The following NDST4 variants were observed in gnomAD, a reference collection of about 807,000 sequenced individuals.
NDST4 encodes the protein N-deacetylase and N-sulfotransferase 4.
NDST4 carries 63 observed loss-of-function variants against 100.8 expected under a neutral mutation model. The observed-to-expected ratio is 0.62, with a 90% CI of 0.51 to 0.77. NDST4 has a LOEUF of 0.77. Among genes scored for constraint, NDST4 ranks in the 30% least tolerant of loss-of-function variants. NDST4 has a pLI of 0.00. For missense variants in NDST4, 943 were observed against 1,018.4 expected, an observed-to-expected ratio of 0.93 and a Z score of 1.01; for synonymous variants, 377 against 361.8, an observed-to-expected ratio of 1.04 and a Z score of -0.48.
rs1023724801 is a variant in NDST4 at position 115,113,578 on chromosome 4, A to G, written c.-381T>C. 6 of 151,968 alleles carry G rather than the reference A, an allele frequency of 3.9e-5. No homozygotes were observed. Among genetic ancestry groups the G allele is most frequent in the African/African-American group, 1.4e-4 (6 of 41,394 alleles). 9.4% of individuals were successfully genotyped at this position (151,968 alleles called of 1,614,324 possible). A position where few individuals can be genotyped will look rare whatever the true frequency, so the allele number is the denominator to read the frequency against. ...GCTTTCAGTTCATGCAATCTGCCTCAACAATATTCCAAGAGCACTCTCTAG... is the reference window on the plus strand; with the variant it reads ...GCTTTCAGTTCATGCAATCTGCCTCGACAATATTCCAAGAGCACTCTCTAG... On this transcript the variant is annotated 5_prime_UTR_variant, in exon 1 of 14. Transcript: ENST00000264363.
rs1728423556 is a variant in NDST4, at chr4:115,044,508, T to C, written c.978+31551A>G. 2.0e-5 allele frequency among the ~76,000 whole-genome samples: 3 copies of C among 152,004 alleles called. No homozygotes were observed. The South Asian group carries it at 6.2e-4, about 32-fold the overall frequency. On this transcript the variant is annotated intron_variant, in intron 2 of 13. Coordinates refer to ENST00000264363, the MANE Select transcript of NDST4 (RefSeq NM_022569.3). ...TGAAGAAGGTCCTCCAGAGATTCTG[T>C]GATTAAACTGAAGCCCATGGCAAGG... is the stretch of plus-strand genomic sequence containing the variant.
chr4:115,037,518 ATTATTC>A (rs1293012455), intron 2 of NDST4, among the ~76,000 whole-genome samples: 1 of 152,074 alleles, frequency 6.6e-6, no homozygotes, highest in African/African-American at 2.4e-5. Context: ...AAATTTTAAA[ATTATTC>A]TTATTATATT....
chr4:114,996,395 T>C (rs175926), intron 2 of NDST4, among the ~76,000 whole-genome samples: 62,294 of 151,908 alleles, frequency 0.41, 13,793 homozygotes, highest in African/African-American at 0.58. Flanking sequence ...TATAAATTAC[T>C]CAGACCTGAG....
At chr4:115,033,054 T>C (rs1392642710) in intron 2 of NDST4, among the ~76,000 whole-genome samples, 1 of 150,432 alleles carries the variant, frequency 6.6e-6, no homozygotes, top group Non-Finnish European at 1.5e-5. Context: ...AATTTATCTA[T>C]AGAACTCTAA....
chr4:114,916,274 A>T (rs1725165367), intron 6 of NDST4, among the ~76,000 whole-genome samples: 1 of 152,138 alleles, frequency 6.6e-6, no homozygotes, highest in South Asian at 2.1e-4. Context: ...GTATCATGCC[A>T]TTCCCTTATG....
At position 115,028,719 on chromosome 4, in the gene NDST4, A is replaced by T. The variant is rs546165615; in HGVS notation, c.978+47340T>A. Among the ~76,000 whole-genome samples the T allele has an allele frequency of 3.3e-5, 5 of 152,134 alleles. No homozygotes were observed. In the South Asian group the frequency reaches 1.0e-3, roughly 32 times the overall value. On this transcript the variant is annotated intron_variant, in intron 2 of 13. Coordinates refer to ENST00000264363, the MANE Select transcript of NDST4 (RefSeq NM_022569.3). ...ATAAAAATTGAAAAGACTAATTATG[A>T]ATAGGAATTAGTAGGTATTTGGAGC... is the stretch of plus-strand genomic sequence containing the variant.
intron 2 of NDST4, among the ~76,000 whole-genome samples, chr4:115,016,807 G>T (rs1055576712): frequency 6.6e-6 from 1 of 152,034 alleles, no homozygotes. Flanking sequence ...CCAGAATGAA[G>T]GTGTGGGTCA....
At chr4:115,111,445 T>C (rs1428145648) in intron 1 of NDST4, among the ~76,000 whole-genome samples, 1 of 151,686 alleles carries the variant, frequency 6.6e-6, no homozygotes, top group Non-Finnish European at 1.5e-5. Context: ...TTAATATATT[T>C]ATATATAAAA....
intron 8 of NDST4, among the ~76,000 whole-genome samples, chr4:114,852,417 A>G (rs1723697459): frequency 1.3e-5 from 2 of 152,298 alleles, no homozygotes; most frequent in Non-Finnish European, 1.5e-5. Flanking sequence ...AAAAGTAAAA[A>G]TTAAAGATGA....
At chr4:114,903,158 C>A (rs1280003911) in intron 6 of NDST4, among the ~76,000 whole-genome samples, 1 of 152,014 alleles carries the variant, frequency 6.6e-6, no homozygotes, top group Non-Finnish European at 1.5e-5. Flanking sequence ...TTTTTCTTGG[C>A]AGCCAGATAT....
chr4:114,895,908 A>G (rs1724703260), intron 6 of NDST4, among the ~76,000 whole-genome samples: 1 of 152,128 alleles, frequency 6.6e-6, no homozygotes, highest in Non-Finnish European at 1.5e-5. Flanking sequence ...AATAAATGTA[A>G]CCCATCACAT....
chr4:114,843,407 T>A (rs1023785269), intron 10 of NDST4, among the ~76,000 whole-genome samples: 2 of 152,208 alleles, frequency 1.3e-5, no homozygotes, highest in Non-Finnish European at 2.9e-5. Context: ...AAATGACTTA[T>A]CAAATCAACA....
At chr4:115,091,080 T>C (rs938610118) in intron 1 of NDST4, among the ~76,000 whole-genome samples, 1 of 152,102 alleles carries the variant, frequency 6.6e-6, no homozygotes, top group Admixed American at 6.6e-5. Context: ...TGTGAACTTT[T>C]AAGGTCTAAA....
At chr4:115,106,041 T>G (rs1729826812) in intron 1 of NDST4, among the ~76,000 whole-genome samples, 1 of 151,992 alleles carries the variant, frequency 6.6e-6, no homozygotes, top group African/African-American at 2.4e-5. Flanking sequence ...TCAAAAAGCT[T>G]TTGGATAAAT....
intron 7 of NDST4, among the ~76,000 whole-genome samples, chr4:114,865,443 G>C (rs978122304): frequency 6.6e-6 from 1 of 152,052 alleles, no homozygotes; most frequent in African/African-American, 2.4e-5. Flanking sequence ...GAATATCCTG[G>C]CAGGGAAAAG....
At chr4:114,862,950 C>T (rs532199312) in intron 7 of NDST4, among the ~76,000 whole-genome samples, 6 of 152,240 alleles carry the variant, frequency 3.9e-5, no homozygotes, top group African/African-American at 1.4e-4. Context: ...TTTGTAACTG[C>T]AATCCTTTTA....
rs560105146 is a variant in NDST4, at chr4:114,838,647, A to G, written c.2286+731T>C. On this transcript the variant is annotated intron_variant, in intron 11 of 13. Transcript: ENST00000264363. ...AACATATAGGCACAGGGAGGGGAAC[A>G]TCACACACTGTGGCCTGTCAGGGGT... 3.9e-5 allele frequency among the ~76,000 whole-genome samples: 6 copies of G among 152,224 alleles called. No individual in the cohort carries two copies. In the South Asian group the frequency reaches 1.2e-3, roughly 32 times the overall value.
chr4:114,984,956 T>C (rs1469268980), intron 2 of NDST4, among the ~76,000 whole-genome samples: 1 of 152,230 alleles, frequency 6.6e-6, no homozygotes, highest in Non-Finnish European at 1.5e-5. Flanking sequence ...GATAAACTGT[T>C]ACTGCTACTC....
At chr4:114,932,216 C>T (rs1468236785) in intron 6 of NDST4, among the ~76,000 whole-genome samples, 1 of 151,692 alleles carries the variant, frequency 6.6e-6, no homozygotes, top group East Asian at 1.9e-4. Flanking sequence ...GTGTGATAAA[C>T]CATATTAATA....
Sources: gnomAD v4.1 joint callset for allele counts (sites outside exome capture counted in the v4.1 genomes callset) on GRCh38, gnomAD v4.1.1 for gene constraint, MANE v1.5 for transcripts, NCBI Gene and HGNC (gene_info 2026-07-23, HGNC 2026-07-21) for gene names.